CYB5D2: variants seen among roughly 807,000 people sequenced by gnomAD.
CYB5D2 encodes the protein neuferricin.
Under a neutral mutation model 22.8 loss-of-function variants are expected in CYB5D2, and 23 were observed. The ratio of observed to expected loss-of-function variants is 1.01; its 90% CI spans 0.73 to 1.43. The LOEUF (loss-of-function observed/expected upper bound fraction) is 1.43. Among genes scored for constraint, CYB5D2 ranks in the 40% most tolerant of loss-of-function variants. The probability of loss-of-function intolerance (pLI) is 0.00; values close to 1 mark genes in which losing one functional copy is unlikely to be tolerated. For missense variants in CYB5D2, 373 were observed against 357.2 expected (o/e 1.04, Z -0.36); for synonymous variants, 170 against 152.2 (o/e 1.12, Z -0.86).
At chr17:4,154,881 C>G (rs1293543395) in intron 3 of CYB5D2, 21 bp downstream of exon 3, 22 of 1,601,390 alleles carry the variant, frequency 1.4e-5, no homozygotes, top group Non-Finnish European at 1.9e-5. Flanking sequence ...TCCCCTTCTT[C>G]TCCTTTCTGC....
chr17:4,149,438 T>A (rs2059029178), intron 1 of CYB5D2, among the ~76,000 whole-genome samples: 1 of 152,208 alleles, frequency 6.6e-6, no homozygotes, highest in African/African-American at 2.4e-5. Context: ...AGGAGCATCT[T>A]TCACAGAGGA....
At chr17:4,145,746 C>T (rs2058983112) in intron 1 of CYB5D2, among the ~76,000 whole-genome samples, 1 of 152,144 alleles carries the variant, frequency 6.6e-6, no homozygotes, top group Non-Finnish European at 1.5e-5. Flanking sequence ...TTTTATTTCT[C>T]ATTGAGATGT....
chr17:4,144,073 G>C, intron 1 of CYB5D2, 68 bp downstream of exon 1: 1 of 1,518,616 alleles, frequency 6.6e-7, no homozygotes, highest in East Asian at 2.3e-5. Flanking sequence ...CGCGTCGTTC[G>C]TTGGTTCATT....
chr17:4,150,064 G>T, intron 2 of CYB5D2, 33 bp downstream of exon 2: 1 of 1,611,642 alleles, frequency 6.2e-7, no homozygotes, highest in Non-Finnish European at 8.5e-7. Flanking sequence ...ATTTCATTTG[G>T]TTGTCTGCAG....
In CYB5D2 at chr17:4,143,459, G is replaced by GAGGTTGCAGTGAGCCGA. The variant is rs1178169979; in HGVS notation, c.-296_-280dup. On this transcript the variant is annotated 5_prime_UTR_variant, in exon 1 of 4. Transcript: ENST00000301391. The stretch of plus-strand genomic sequence containing the variant: ...GAGAATCGCTTGAACCCGGGAGGCG[G>GAGGTTGCAGTGAGCCGA]AGGTTGCAGTGAGCCGAGATTCCGC... 4.1e-6 allele frequency: 1 copy of GAGGTTGCAGTGAGCCGA among 241,030 alleles called. No homozygotes were observed. Among genetic ancestry groups the GAGGTTGCAGTGAGCCGA allele is most frequent in the Non-Finnish European group, 8.1e-6 (1 of 124,156 alleles). 14.9% of individuals were successfully genotyped at this position (241,030 alleles called of 1,614,324 possible).
chr17:4,149,642 T>G (rs2059031385), intron 1 of CYB5D2, among the ~76,000 whole-genome samples: 1 of 151,708 alleles, frequency 6.6e-6, no homozygotes, highest in Non-Finnish European at 1.5e-5. Context: ...ACTAAAAAAA[T>G]ACAAAAATTA....
At chr17:4,150,118 T>C (rs2142993959) in intron 2 of CYB5D2, 87 bp downstream of exon 2, 1 of 1,506,508 alleles carries the variant, frequency 6.6e-7, no homozygotes, top group East Asian at 2.3e-5. Context: ...GGTTCAAGCT[T>C]AAAATCTGAA....
In CYB5D2 at chr17:4,157,454, A is replaced by G. The variant is rs1224227635; in HGVS notation, c.*372A>G. The G allele has an allele frequency of 1.5e-5, 4 of 258,412 alleles. No individual in the cohort carries two copies. The South Asian group carries it at 2.4e-4, about 15-fold the overall frequency. 16.0% of individuals were successfully genotyped at this position (258,412 alleles called of 1,614,324 possible). On this transcript the variant is annotated 3_prime_UTR_variant, in exon 4 of 4. Coordinates refer to ENST00000301391, the MANE Select transcript of CYB5D2 (RefSeq NM_144611.4). This position sits in a 1 kb window ranked among gnomAD's most constrained non-coding sequence, Gnocchi z 4.4. ...GCCAATACAGTACGAGGCAATAACA[A>G]ATTAGTGTGGGTTGATTCTGGAATT...
intron 1 of CYB5D2, among the ~76,000 whole-genome samples, chr17:4,144,411 G>A (rs2058955596): frequency 6.6e-6 from 1 of 151,708 alleles, no homozygotes; most frequent in Admixed American, 6.6e-5. Flanking sequence ...ATTATGCCCT[G>A]GTCCCAAATA....
chr17:4,143,533 A>C lies in CYB5D2; in HGVS notation c.-223A>C. Reference sequence around the variant, plus strand: ...AAGAGCTAAAACTCTGTCTCAGAAAAAAAAAAAAAAAGTACCTGGAAAAAG... The same window carrying C: ...AAGAGCTAAAACTCTGTCTCAGAAACAAAAAAAAAAAGTACCTGGAAAAAG... On this transcript the variant is annotated 5_prime_UTR_variant, in exon 1 of 4. Coordinates refer to ENST00000301391, the MANE Select transcript of CYB5D2 (RefSeq NM_144611.4). The C allele has an allele frequency of 2.0e-6, 1 of 497,208 alleles. No individual in the cohort carries two copies. The highest frequency in any genetic ancestry group is 3.3e-6 in the Non-Finnish European group (1 of 299,932). The allele number at this position is 497,208 out of a possible 1,614,324, so 30.8% of individuals were successfully genotyped here. A position where few individuals can be genotyped will look rare whatever the true frequency, so the allele number is the denominator to read the frequency against.
chr17:4,144,337 G>A (rs1416875736), intron 1 of CYB5D2, among the ~76,000 whole-genome samples: 1 of 152,118 alleles, frequency 6.6e-6, no homozygotes, highest in Non-Finnish European at 1.5e-5. Context: ...TTAGGGCACA[G>A]ATAAACGAGA....
In CYB5D2 at chr17:4,154,524, C is replaced by G. The variant is rs1245844200; in HGVS notation, c.392-150C>G. On this transcript the variant is annotated intron_variant, in intron 2 of 3. Coordinates refer to ENST00000301391, the MANE Select transcript of CYB5D2 (RefSeq NM_144611.4). ...TGTAGGGTGCTAAGAGGTTGGTGTG[C>G]AAGGCACCAGGAGTGCCTGCAGTAG... 4.8e-6 allele frequency: 4 copies of G among 827,264 alleles called. No individual in the cohort carries two copies. In the East Asian group the frequency reaches 8.2e-5, roughly 17 times the overall value. The allele number at this position is 827,264 out of a possible 1,614,324, so 51.2% of individuals were successfully genotyped here.
At chr17:4,144,041 G>C in intron 1 of CYB5D2, 36 bp downstream of exon 1, 1 of 1,546,136 alleles carries the variant, frequency 6.5e-7, no homozygotes, top group Non-Finnish European at 8.7e-7. Flanking sequence ...TCTCTCCGCT[G>C]GCGCGAGCCA....
chr17:4,146,709 GT>G (rs1175503113), intron 1 of CYB5D2, among the ~76,000 whole-genome samples: 2 of 151,152 alleles, frequency 1.3e-5, no homozygotes, highest in African/African-American at 4.9e-5. Flanking sequence ...TTTTTTTTTA[GT>G]ATAGCCAGAA....
Position 4,153,356 on chromosome 17 carries a change from C to T in CYB5D2, c.392-1318C>T, listed in dbSNP as rs1256862490. ...AAGGTGGGGAGTGGGGAAGCACAGC[C>T]AAGACACAGAAAGGAAGCCAGTGTG... is the stretch of plus-strand genomic sequence containing the variant. On this transcript the variant is annotated intron_variant, in intron 2 of 3. Transcript: ENST00000301391. Among the ~76,000 whole-genome samples the T allele has an allele frequency of 2.0e-5, 3 of 151,466 alleles. No homozygotes were observed. In the East Asian group the frequency reaches 5.9e-4, roughly 30 times the overall value.
At chr17:4,154,592 C>T in intron 2 of CYB5D2, 82 bp from the exon 3 acceptor site, 1 of 1,493,822 alleles carries the variant, frequency 6.7e-7, no homozygotes, top group African/African-American at 1.4e-5. Flanking sequence ...AAGTCAGAAA[C>T]CCTGGGAACT....
intron 1 of CYB5D2, among the ~76,000 whole-genome samples, chr17:4,144,392 C>T (rs1026679380): frequency 6.6e-6 from 1 of 152,100 alleles, no homozygotes; most frequent in Non-Finnish European, 1.5e-5. Context: ...TAATTCCAAC[C>T]ATCTCTTCAT....
intron 2 of CYB5D2, among the ~76,000 whole-genome samples, chr17:4,152,640 C>G (rs2142994592): frequency 6.6e-6 from 1 of 152,318 alleles, no homozygotes; most frequent in South Asian, 2.1e-4. Flanking sequence ...CCATATAACA[C>G]AGACACCCCA....
At chr17:4,150,089 T>C (rs2059039006) in intron 2 of CYB5D2, 58 bp downstream of exon 2, 3 of 1,592,330 alleles carry the variant, frequency 1.9e-6, no homozygotes, top group Non-Finnish European at 1.7e-6. Flanking sequence ...TTTAGGGGGC[T>C]GAGATTTTTT....
Sources: gnomAD v4.1 joint callset for allele counts (sites outside exome capture counted in the v4.1 genomes callset) on GRCh38, gnomAD v4.1.1 for gene constraint, Gnocchi (gnomAD v3.1) non-coding constraint, MANE v1.5 for transcripts, NCBI Gene and HGNC (gene_info 2026-07-23, HGNC 2026-07-21) for gene names.